Variants in MORC2 observed in about 807,000 individuals in gnomAD.
MORC2 encodes the protein MORC family CW-type zinc finger 2, also known as ATPase MORC2.
A neutral mutation model predicts 136.0 loss-of-function variants in MORC2; 30 were observed. The observed-to-expected ratio is 0.22, with a 90% CI of 0.17 to 0.30. The LOEUF (loss-of-function observed/expected upper bound fraction) is 0.30. MORC2 is among the 10% of genes least tolerant of loss of function. MORC2 has a pLI of 1.00. For synonymous variants in MORC2, 439 were observed against 487.0 expected (o/e 0.90, Z 1.30); for missense variants, 922 against 1,333.1 (o/e 0.69, Z 4.80).
chr22:30,942,511 A>C (rs2040755679), intron 6 of MORC2, among the ~76,000 whole-genome samples: 1 of 152,214 alleles, frequency 6.6e-6, no homozygotes, highest in South Asian at 2.1e-4. Context: ...GGGTCTCTGC[A>C]TGAGAAGTTC....
rs2040601393 is a variant in MORC2, at chr22:30,933,168, A to G, written c.2381-138T>C. On this transcript the variant is annotated intron_variant, in intron 21 of 25. Transcript: ENST00000397641. ...TGCTTGCCCCCACTACACCAGGGACACAGAGACCAGGGACCAGCCACCATG... is the reference window on the plus strand; with the variant it reads ...TGCTTGCCCCCACTACACCAGGGACGCAGAGACCAGGGACCAGCCACCATG... The G allele has an allele frequency of 3.9e-6, 5 of 1,297,876 alleles. 1 individual carries two copies. The Admixed American group carries it at 1.0e-4, about 27-fold the overall frequency. The allele number at this position is 1,297,876 out of a possible 1,614,324, so 80.4% of individuals were successfully genotyped here. A position where few individuals can be genotyped will look rare whatever the true frequency, so the allele number is the denominator to read the frequency against.
Position 30,951,809 on chromosome 22 carries a change from A to AT in MORC2, c.158-1365dup, listed in dbSNP as rs529409836. On this transcript the variant is annotated intron_variant, in intron 3 of 25. Transcript: ENST00000397641. ...ACTTATTAATGTAAATTAAAATGCT[A>AT]TTTTTTTTTTTTTTGAAATGGAGTC... Among the ~76,000 whole-genome samples the AT allele has an allele frequency of 6.7e-3, 970 of 144,308 alleles. 10 individuals are homozygous for AT. Among genetic ancestry groups the AT allele is most frequent in the African/African-American group, 0.019 (764 of 39,522 alleles). 94.7% of individuals were successfully genotyped at this position (144,308 alleles called of 152,430 possible). A position where few individuals can be genotyped will look rare whatever the true frequency, so the allele number is the denominator to read the frequency against.
intron 17 of MORC2, 152 bp from the exon 18 acceptor site, chr22:30,935,474 C>T (rs913337542): frequency 8.5e-6 from 6 of 703,196 alleles, no homozygotes; most frequent in Admixed American, 8.3e-5. Flanking sequence ...TGGGGAGACA[C>T]AAAATACATA....
At chr22:30,943,552 C>G (rs1053081732) in intron 6 of MORC2, among the ~76,000 whole-genome samples, 7 of 152,228 alleles carry the variant, frequency 4.6e-5, no homozygotes, top group African/African-American at 1.7e-4. Flanking sequence ...GCTCCTCCCT[C>G]GGTGGTTATG....
Position 30,934,914 on chromosome 22 carries a change from C to T in MORC2, c.2060G>A (p.Arg687Gln), listed in dbSNP as rs201772330. ...PANTLVKTAS[R>Q]PAPLVQQLSP... is the part of the protein sequence containing the mutation. ...CAGTTGCTGCACCAGAGGGGCAGGTCGGGATGCAGTCTTGACGAGAGTGTT... is the reference window on the plus strand; with the variant it reads ...CAGTTGCTGCACCAGAGGGGCAGGTTGGGATGCAGTCTTGACGAGAGTGTT... The change falls in exon 19 of 26, where the codon CGA becomes CAA. Residue 687 changes from arginine (R) to glutamine (Q), a missense_variant. By Grantham distance (43) the Arg-to-Gln change is conservative. Around this residue, in one of 9 missense-constraint regions of MORC2, gnomAD observed 184 missense variants for 180.3 expected, o/e 1.02. Transcript: ENST00000397641. The surrounding 1 kb of genome is among the most constrained non-coding windows in gnomAD (Gnocchi z 4.4). 1.0e-4 allele frequency: 165 copies of T among 1,613,920 alleles called. No homozygotes were observed. Among genetic ancestry groups the T allele is most frequent in the Non-Finnish European group, 1.3e-4 (153 of 1,180,016 alleles).
Position 30,941,246 on chromosome 22 carries a change from C to G in MORC2, c.824+187G>C, listed in dbSNP as rs142116105. 9.7e-4 allele frequency among the ~76,000 whole-genome samples: 148 copies of G among 152,322 alleles called. No individual in the cohort carries two copies. The highest frequency in any genetic ancestry group is 1.9e-3 in the Non-Finnish European group (131 of 68,018). ...CAATGAGCTTAGCCAGCCACCTCCA[C>G]AGCTGATCTGTCCCTCCTCTAGGAC... is the stretch of plus-strand genomic sequence containing the variant. On this transcript the variant is annotated intron_variant, in intron 9 of 25. Coordinates refer to ENST00000397641, the MANE Select transcript of MORC2 (RefSeq NM_001303256.3). This position sits in a 1 kb window ranked among gnomAD's most constrained non-coding sequence, Gnocchi z 4.6.
At chr22:30,963,036 C>T (rs565295102) in intron 1 of MORC2, among the ~76,000 whole-genome samples, 46 of 151,078 alleles carry the variant, frequency 3.0e-4, no homozygotes, top group African/African-American at 1.0e-3. Context: ...TGCAGTGGTG[C>T]GATCGGCTCA....
chr22:30,937,062 A>C lies in MORC2; in HGVS notation c.1499-25T>G, dbSNP rs765895123. The C allele has an allele frequency of 1.3e-6, 2 of 1,544,466 alleles. No individual in the cohort carries two copies. Among genetic ancestry groups the C allele is most frequent in the Admixed American group, 1.7e-5 (1 of 59,684 alleles). On this transcript the variant is annotated intron_variant, in intron 15 of 25. Coordinates refer to ENST00000397641, the MANE Select transcript of MORC2 (RefSeq NM_001303256.3). This position sits in a 1 kb window ranked among gnomAD's most constrained non-coding sequence, Gnocchi z 4.7. Reference sequence around the variant, plus strand: ...TCTGCAGAGAGCAAAAAAACCCCACATATCAGCCACGCCCACCAACTCTAT... The same window carrying C: ...TCTGCAGAGAGCAAAAAAACCCCACCTATCAGCCACGCCCACCAACTCTAT...
chr22:30,935,383 T>C (rs1287977590), intron 17 of MORC2, 61 bp from the exon 18 acceptor site: 33 of 1,524,080 alleles, frequency 2.2e-5, no homozygotes, highest in Middle Eastern at 3.4e-4. Context: ...AGCAAACTTT[T>C]TGGATAGTGT....
rs910832492 is a variant in MORC2, at chr22:30,937,447, C to T, written c.1498+136G>A. On this transcript the variant is annotated intron_variant, in intron 15 of 25. Coordinates refer to ENST00000397641, the MANE Select transcript of MORC2 (RefSeq NM_001303256.3). This position sits in a 1 kb window ranked among gnomAD's most constrained non-coding sequence, Gnocchi z 4.7. Reference sequence around the variant, plus strand: ...CTCAAGACTGAGCTCACAGGGCCATCGTCAAACAGACTTGGATCCCTAGGG... The same window carrying T: ...CTCAAGACTGAGCTCACAGGGCCATTGTCAAACAGACTTGGATCCCTAGGG... 24 of 1,352,874 alleles carry T rather than the reference C, an allele frequency of 1.8e-5. No individual in the cohort carries two copies. The highest frequency in any genetic ancestry group is 2.4e-5 in the Non-Finnish European group (24 of 995,724). The allele number at this position is 1,352,874 out of a possible 1,614,324, so 83.8% of individuals were successfully genotyped here. A position where few individuals can be genotyped will look rare whatever the true frequency, so the allele number is the denominator to read the frequency against.
At chr22:30,942,400 G>T in intron 6 of MORC2, 129 bp from the exon 7 acceptor site, 1 of 1,033,450 alleles carries the variant, frequency 9.7e-7, no homozygotes, top group Non-Finnish European at 1.4e-6. Flanking sequence ...AAGCTCCACA[G>T]CCTGGCACCA....
chr22:30,926,720 C>A lies in MORC2; in HGVS notation c.*83G>T, dbSNP rs1362714375. The A allele has an allele frequency of 3.3e-5, 39 of 1,167,788 alleles. No individual in the cohort carries two copies. In the Middle Eastern group the frequency reaches 1.2e-3, roughly 35 times the overall value. The allele number at this position is 1,167,788 out of a possible 1,614,324, so 72.3% of individuals were successfully genotyped here. On this transcript the variant is annotated 3_prime_UTR_variant, in exon 26 of 26. Transcript: ENST00000397641. ...TGTAAGTCAAACCAAGGTGCGACCACCAACCCATGAATGAAGTCCCCTCCC... is the reference window on the plus strand; with the variant it reads ...TGTAAGTCAAACCAAGGTGCGACCAACAACCCATGAATGAAGTCCCCTCCC...
intron 5 of MORC2, among the ~76,000 whole-genome samples, chr22:30,948,672 C>A (rs1404563440): frequency 6.8e-6 from 1 of 147,370 alleles, no homozygotes; most frequent in Non-Finnish European, 1.5e-5. Context: ...GTCAGAAAGA[C>A]CTGGTTCCTA....
chr22:30,934,109 C>T lies in MORC2; in HGVS notation c.2276G>A (p.Cys759Tyr), dbSNP rs747434209. ...EEEAERRKER[C>Y]KRGRFVVKEE... ...CTTCACAACAAATCTGCCCCGCTTGCACCTCTCCTTCCTCCTCTCAGCTTC... is the reference window on the plus strand; with the variant it reads ...CTTCACAACAAATCTGCCCCGCTTGTACCTCTCCTTCCTCCTCTCAGCTTC... The change falls in exon 20 of 26, where the codon TGC (cysteine) becomes TAC (tyrosine). Residue 759 changes from cysteine to tyrosine, a missense_variant. By Grantham distance (194) the Cys-to-Tyr change is radical. Transcript: ENST00000397641. This position sits in a 1 kb window ranked among gnomAD's most constrained non-coding sequence, Gnocchi z 4.4. The T allele has an allele frequency of 1.2e-6, 2 of 1,614,200 alleles. No individual in the cohort carries two copies. The highest frequency in any genetic ancestry group is 1.1e-5 in the South Asian group (1 of 91,080).
At chr22:30,965,343 AC>A (rs1405710192) in intron 1 of MORC2, among the ~76,000 whole-genome samples, 2 of 152,220 alleles carry the variant, frequency 1.3e-5, no homozygotes, top group Non-Finnish European at 2.9e-5. Context: ...ACCACTTTAC[AC>A]ACAGGTGGTT....
At chr22:30,933,068 C>T (rs376405329) in intron 21 of MORC2, 38 bp from the exon 22 acceptor site, 8 of 1,610,766 alleles carry the variant, frequency 5.0e-6, no homozygotes, top group East Asian at 4.5e-5. Flanking sequence ...AGAAAACTAG[C>T]GTAGAGTCCC....
intron 3 of MORC2, among the ~76,000 whole-genome samples, chr22:30,952,574 C>T (rs2040906290): frequency 6.6e-6 from 1 of 152,170 alleles, no homozygotes; most frequent in South Asian, 2.1e-4. Context: ...TAACTGACAG[C>T]CTATAAATGG....
At position 30,937,863 on chromosome 22, in the gene MORC2, G is replaced by A. The variant is rs1401669660; in HGVS notation, c.1321C>T (p.Arg441Ter). 2.5e-6 allele frequency: 4 copies of A among 1,613,986 alleles called. No homozygotes were observed. Among genetic ancestry groups the A allele is most frequent in the Admixed American group, 1.7e-5 (1 of 59,992 alleles). Reference sequence around the variant, plus strand: ...TGCGCCAGGTGCTCCCCCATTGCTCGGAGCAGGTGCCGGTACTCCTTGGCA... The same window carrying A: ...TGCGCCAGGTGCTCCCCCATTGCTCAGAGCAGGTGCCGGTACTCCTTGGCA... ...ADAKEYRHLL[R>*]AMGEHLAQYW... The change falls in exon 14 of 26, where the codon CGA becomes TGA. Residue 441 changes from arginine to a stop codon, truncating the protein, a stop_gained. Transcript: ENST00000397641. LOFTEE classifies it high-confidence loss of function. This position sits in a 1 kb window ranked among gnomAD's most constrained non-coding sequence, Gnocchi z 4.7.
At chr22:30,954,033 AT>A (rs1319720253) in intron 3 of MORC2, among the ~76,000 whole-genome samples, 1 of 152,200 alleles carries the variant, frequency 6.6e-6, no homozygotes, top group Non-Finnish European at 1.5e-5. Flanking sequence ...GGCCAAGCGC[AT>A]CGGCTCAGCC....
Sources: gnomAD v4.1 joint callset for allele counts (sites outside exome capture counted in the v4.1 genomes callset) on GRCh38, gnomAD v4.1.1 for gene constraint, gnomAD v4.1.1 regional missense constraint, Gnocchi (gnomAD v3.1) non-coding constraint, MANE v1.5 for transcripts, NCBI Gene and HGNC (gene_info 2026-07-23, HGNC 2026-07-21) for gene names.